The following SPON1 variants were observed in gnomAD, a reference collection of about 807,000 sequenced individuals.
The protein encoded by SPON1 is spondin-1.
SPON1 carries 52 observed loss-of-function variants against 111.7 expected under a neutral mutation model. The observed-to-expected ratio is 0.47, with a 90% CI of 0.37 to 0.59. SPON1 has a LOEUF of 0.59. Ranked by LOEUF, SPON1 falls within the 20% of genes least tolerant of loss-of-function variation. The probability of loss-of-function intolerance (pLI) is 0.00; values close to 1 mark genes in which losing one functional copy is unlikely to be tolerated. For missense variants in SPON1, 957 were observed against 1,068.5 expected (o/e 0.90, Z 1.46); for synonymous variants, 410 against 395.8 (o/e 1.04, Z -0.43).
intron 6 of SPON1, among the ~76,000 whole-genome samples, chr11:14,203,277 A>C (rs1412617812): frequency 1.3e-5 from 2 of 152,144 alleles, no homozygotes; most frequent in Non-Finnish European, 2.9e-5. Flanking sequence ...ATTTAATATC[A>C]CCCAATCACC....
At chr11:14,139,709 A>AATATATATATATATATATATATATAT (rs57464043) in intron 6 of SPON1, among the ~76,000 whole-genome samples, 1 of 145,404 alleles carries the variant, frequency 6.9e-6, no homozygotes, top group African/African-American at 2.6e-5. Flanking sequence ...AAACATGTAA[A>AATATATATATATATATATATATATAT]ATATATATAT....
intron 15 of SPON1, 148 bp from the exon 16 acceptor site, chr11:14,265,376 A>C (rs781822702): frequency 3.1e-5 from 28 of 906,946 alleles, no homozygotes; most frequent in Non-Finnish European, 4.5e-5. Context: ...CATACGACCT[A>C]ACTGTCCCTA....
intron 6 of SPON1, among the ~76,000 whole-genome samples, chr11:14,138,644 T>C (rs1847619241): frequency 6.6e-6 from 1 of 152,038 alleles, no homozygotes; most frequent in East Asian, 1.9e-4. Flanking sequence ...CTGTAGGAAA[T>C]GGTAGATCAC....
chr11:14,127,326 T>C (rs1213187505), intron 5 of SPON1, among the ~76,000 whole-genome samples: 3 of 151,910 alleles, frequency 2.0e-5, no homozygotes, highest in Non-Finnish European at 4.4e-5. Flanking sequence ...AACCCAGTTT[T>C]AACTACTTTA....
intron 7 of SPON1, among the ~76,000 whole-genome samples, chr11:14,249,242 C>G (rs1256689398): frequency 4.6e-5 from 7 of 152,182 alleles, no homozygotes; most frequent in Admixed American, 4.6e-4. Context: ...AAATCCAAAG[C>G]CATGCTCCCC....
At chr11:14,194,567 C>CAG (rs150398912) in intron 6 of SPON1, among the ~76,000 whole-genome samples, 22,716 of 139,188 alleles carry the variant, frequency 0.16, 3,454 homozygotes, top group African/African-American at 0.26. Flanking sequence ...CACACACACA[C>CAG]GGACTGCCTG....
At chr11:14,001,073 A>G (rs1440138115) in intron 2 of SPON1, among the ~76,000 whole-genome samples, 2 of 152,204 alleles carry the variant, frequency 1.3e-5, no homozygotes, top group Non-Finnish European at 2.9e-5. Context: ...CCATCAGAGA[A>G]CTGAGGTCAT....
chr11:13,995,224 A>C (rs1304083368), intron 2 of SPON1, among the ~76,000 whole-genome samples: 3 of 152,182 alleles, frequency 2.0e-5, no homozygotes, highest in Non-Finnish European at 2.9e-5. Flanking sequence ...TGAATTAATG[A>C]ATGCACTAAT....
Position 14,268,024 on chromosome 11 carries a change from T to C in SPON1, c.*2337T>C, listed in dbSNP as rs564730613. 9.2e-5 allele frequency: 14 copies of C among 152,320 alleles called. No homozygotes were observed. The East Asian group carries it at 2.7e-3, about 29-fold the overall frequency. 9.4% of individuals were successfully genotyped at this position (152,320 alleles called of 1,614,324 possible). On this transcript the variant is annotated 3_prime_UTR_variant, in exon 16 of 16. Transcript: ENST00000576479. ...GACATTGGGTCACTCACTGGTCACC[T>C]TGCCAGTGCATTTTATTAGAAGGGA... is the stretch of plus-strand genomic sequence containing the variant.
intron 6 of SPON1, among the ~76,000 whole-genome samples, chr11:14,143,155 C>A (rs949883031): frequency 4.6e-5 from 7 of 152,300 alleles, no homozygotes; most frequent in East Asian, 3.9e-4. Context: ...GGCAATGGTG[C>A]CCCCTGCATC....
At chr11:14,210,449 A>C (rs1564931840) in intron 6 of SPON1, among the ~76,000 whole-genome samples, 1 of 148,988 alleles carries the variant, frequency 6.7e-6, no homozygotes, top group Non-Finnish European at 1.5e-5. Context: ...AGCAAGCTGG[A>C]GTGCAGTGGC....
intron 2 of SPON1, among the ~76,000 whole-genome samples, chr11:14,013,289 T>C (rs2133799734): frequency 6.6e-6 from 1 of 152,278 alleles, no homozygotes; most frequent in Admixed American, 6.5e-5. Context: ...GTTTCATCAG[T>C]AAAGGTGGGC....
intron 14 of SPON1, 132 bp from the exon 15 acceptor site, chr11:14,262,580 T>C (rs1554941998): frequency 5.7e-6 from 7 of 1,232,606 alleles, no homozygotes; most frequent in Non-Finnish European, 7.9e-6. Flanking sequence ...CCTCAGTTTC[T>C]TCTTCTGTAA....
chr11:14,154,468 G>A (rs1554930189), intron 6 of SPON1, among the ~76,000 whole-genome samples: 1 of 152,228 alleles, frequency 6.6e-6, no homozygotes, highest in Non-Finnish European at 1.5e-5. Flanking sequence ...AGCCATGGCT[G>A]GAGCTAGAGA....
chr11:14,174,383 C>T (rs1848148949), intron 6 of SPON1, among the ~76,000 whole-genome samples: 1 of 152,188 alleles, frequency 6.6e-6, no homozygotes, highest in South Asian at 2.1e-4. Flanking sequence ...TGTTAGCCAT[C>T]CCTTAAAGTG....
At chr11:14,117,961 C>G (rs782268340) in intron 5 of SPON1, among the ~76,000 whole-genome samples, 13 of 152,142 alleles carry the variant, frequency 8.5e-5, no homozygotes, top group Non-Finnish European at 1.6e-4. Context: ...GGCAGGTGCT[C>G]AGTAATTCCC....
intron 5 of SPON1, among the ~76,000 whole-genome samples, chr11:14,101,706 G>C (rs1037575193): frequency 1.3e-5 from 2 of 152,064 alleles, no homozygotes; most frequent in Admixed American, 6.6e-5. Context: ...CACTAAAAAG[G>C]TCTATTAATT....
intron 2 of SPON1, among the ~76,000 whole-genome samples, chr11:14,030,658 C>T (rs1240655968): frequency 6.6e-6 from 1 of 152,206 alleles, no homozygotes; most frequent in Admixed American, 6.5e-5. Flanking sequence ...CAACGAGGCA[C>T]CACCTAACAG....
At chr11:14,030,683 G>A (rs1384969048) in intron 2 of SPON1, among the ~76,000 whole-genome samples, 1 of 152,330 alleles carries the variant, frequency 6.6e-6, no homozygotes, top group Admixed American at 6.5e-5. Context: ...CAGAATGGCT[G>A]TTGTTAAAAA....
Sources: gnomAD v4.1 joint callset for allele counts (sites outside exome capture counted in the v4.1 genomes callset) on GRCh38, gnomAD v4.1.1 for gene constraint, MANE v1.5 for transcripts, NCBI Gene and HGNC (gene_info 2026-07-23, HGNC 2026-07-21) for gene names.